Variants in DNTTIP1 observed in about 807,000 individuals in gnomAD.
DNTTIP1 encodes the protein deoxynucleotidyltransferase terminal-interacting protein 1.
DNTTIP1 carries 22 observed loss-of-function variants against 52.9 expected under a neutral mutation model. That is an observed-to-expected ratio of 0.42 (90% CI 0.30 to 0.59). The LOEUF (loss-of-function observed/expected upper bound fraction) is 0.59. DNTTIP1 is among the 20% of genes least tolerant of loss of function. DNTTIP1 has a pLI of 0.22. For synonymous variants in DNTTIP1, 136 were observed against 155.1 expected (o/e 0.88, Z 0.92); for missense variants, 286 against 435.5 (o/e 0.66, Z 3.06).
chr20:45,798,930 G>A (rs760349406), intron 4 of DNTTIP1, among the ~76,000 whole-genome samples: 3 of 152,138 alleles, frequency 2.0e-5, no homozygotes, highest in Non-Finnish European at 4.4e-5. Context: ...GAACTTAACA[G>A]CCTACTTAAG....
Position 45,805,345 on chromosome 20 carries a change from C to T in DNTTIP1, c.702C>T (p.Ile234=). The part of the protein sequence containing the change: ...GMGGTRGRIY[I]KHPHLFKYAA... ...GGGGCACCAGAGGAAGAATCTACAT[C>T]AAGCACCCACACCTCTTTAAGGTAG... The change falls in exon 10 of 13, where the codon ATC becomes ATT. Residue 234 remains isoleucine (I), a synonymous_variant. Transcript: ENST00000372622. 6.2e-7 allele frequency: 1 copy of T among 1,614,148 alleles called. No homozygotes were observed. Among genetic ancestry groups the T allele is most frequent in the Non-Finnish European group, 8.5e-7 (1 of 1,180,024 alleles).
intron 11 of DNTTIP1, among the ~76,000 whole-genome samples, chr20:45,810,662 C>G (rs889608883): frequency 6.7e-6 from 1 of 149,958 alleles, no homozygotes. Flanking sequence ...AAATAAGTCA[C>G]CAGTCCCTAC....
intron 2 of DNTTIP1, 132 bp downstream of exon 2, chr20:45,792,879 C>G: frequency 1.4e-6 from 1 of 703,046 alleles, no homozygotes; most frequent in Middle Eastern, 4.2e-4. Flanking sequence ...GAGGAGACTC[C>G]GATTCTGTAA....
At chr20:45,797,036 T>C (rs1568706355) in intron 4 of DNTTIP1, among the ~76,000 whole-genome samples, 1 of 152,220 alleles carries the variant, frequency 6.6e-6, no homozygotes, top group Non-Finnish European at 1.5e-5. Context: ...TTTCATCTAG[T>C]CCTGTGGCTT....
In DNTTIP1 at chr20:45,800,716, T is replaced by A. The variant is rs1442843858; in HGVS notation, c.373-358T>A. 2.8e-3 allele frequency among the ~76,000 whole-genome samples: 13 copies of A among 4,604 alleles called. 1 individual carries two copies. The highest frequency in any genetic ancestry group is 6.6e-3 in the African/African-American group (12 of 1,812). 3.0% of individuals were successfully genotyped at this position (4,604 alleles called of 152,430 possible). The stretch of plus-strand genomic sequence containing the variant: ...AAAAATATATATATATATATATATA[T>A]ATATATATATATATATATATATATA... On this transcript the variant is annotated intron_variant, in intron 4 of 12. Coordinates refer to ENST00000372622, the MANE Select transcript of DNTTIP1 (RefSeq NM_052951.3).
chr20:45,799,763 T>G (rs913891517), intron 4 of DNTTIP1, among the ~76,000 whole-genome samples: 1 of 149,636 alleles, frequency 6.7e-6, no homozygotes, highest in Non-Finnish European at 1.5e-5. Context: ...CTTGTCCTAG[T>G]TACTGCTGTG....
chr20:45,799,833 C>T (rs1429772745), intron 4 of DNTTIP1, among the ~76,000 whole-genome samples: 2 of 140,502 alleles, frequency 1.4e-5, no homozygotes, highest in East Asian at 1.9e-4. Flanking sequence ...GCAGGCCAGG[C>T]GCACTGGCTC....
chr20:45,792,156 C>CG (rs1172028649), intron 1 of DNTTIP1, 47 bp downstream of exon 1: 1 of 1,122,320 alleles, frequency 8.9e-7, no homozygotes, highest in African/African-American at 1.6e-5. Context: ...GGCACGGCCT[C>CG]GGGGCTCCTG....
At chr20:45,800,688 AAAAAAAATATATATATAT>A (rs1981404578) in intron 4 of DNTTIP1, among the ~76,000 whole-genome samples, 1 of 55,868 alleles carries the variant, frequency 1.8e-5, no homozygotes, top group African/African-American at 9.3e-5. Flanking sequence ...TTAAAAAAAA[AAAAAAAATATATATATAT>A]ATATATATAT....
At chr20:45,800,021 G>C (rs1981373539) in intron 4 of DNTTIP1, among the ~76,000 whole-genome samples, 2 of 151,108 alleles carry the variant, frequency 1.3e-5, no homozygotes, top group Non-Finnish European at 2.9e-5. Context: ...TCAGGAGGCA[G>C]AGGCAGGAGA....
chr20:45,801,548 G>GATTAC, intron 6 of DNTTIP1, 90 bp downstream of exon 6: 4 of 1,389,378 alleles, frequency 2.9e-6, no homozygotes, highest in Non-Finnish European at 4.1e-6. Flanking sequence ...AACACTTTGG[G>GATTAC]AGGCCAAGCG....
chr20:45,807,492 T>G (rs1981686503), intron 10 of DNTTIP1, among the ~76,000 whole-genome samples: 1 of 152,238 alleles, frequency 6.6e-6, no homozygotes, highest in South Asian at 2.1e-4. Context: ...GTATTTCTTC[T>G]GTAAGCTGCC....
At chr20:45,797,146 G>C (rs1017121791) in intron 4 of DNTTIP1, among the ~76,000 whole-genome samples, 1 of 152,126 alleles carries the variant, frequency 6.6e-6, no homozygotes, top group African/African-American at 2.4e-5. Context: ...ACAGCAGCCA[G>C]ACTGATCTCC....
intron 8 of DNTTIP1, among the ~76,000 whole-genome samples, chr20:45,804,375 AG>A (rs1601030433): frequency 6.6e-6 from 1 of 152,096 alleles, no homozygotes; most frequent in African/African-American, 2.4e-5. Flanking sequence ...GCCCTAGCTC[AG>A]GCCCTTAGCA....
chr20:45,807,644 G>A (rs561027507), intron 10 of DNTTIP1, among the ~76,000 whole-genome samples: 1 of 152,198 alleles, frequency 6.6e-6, no homozygotes, highest in African/African-American at 2.4e-5. Flanking sequence ...GGAGGTAGTA[G>A]AGAGCAAAAC....
intron 3 of DNTTIP1, 114 bp downstream of exon 3, chr20:45,794,131 TC>T (rs1340524436): frequency 1.7e-6 from 1 of 586,122 alleles, no homozygotes; most frequent in African/African-American, 1.9e-5. Flanking sequence ...AGTTTTCCTT[TC>T]TTGTTGTTTT....
At chr20:45,801,181 T>C in intron 5 of DNTTIP1, 39 bp downstream of exon 5, 2 of 1,596,842 alleles carry the variant, frequency 1.3e-6, no homozygotes, top group Non-Finnish European at 1.7e-6. Context: ...GAGCGGGAGG[T>C]CCTTCAGGCT....
chr20:45,796,683 G>A (rs1438661047), intron 4 of DNTTIP1: 4 of 395,726 alleles, frequency 1.0e-5, no homozygotes, highest in Non-Finnish European at 1.5e-5. Flanking sequence ...GCCAATAGTC[G>A]CTGGCTCACT....
intron 10 of DNTTIP1, among the ~76,000 whole-genome samples, chr20:45,806,355 C>CAAAAAAAAAA (rs3080098): frequency 7.6e-6 from 1 of 131,748 alleles, no homozygotes; most frequent in Admixed American, 7.9e-5. Context: ...AACTCCATCT[C>CAAAAAAAAAA]AAAAAAAAAA....
Sources: allele counts gnomAD v4.1 joint callset (sites outside exome capture counted in the v4.1 genomes callset), GRCh38; gene constraint gnomAD v4.1.1; transcripts MANE v1.5; gene names NCBI Gene and HGNC (gene_info 2026-07-23, HGNC 2026-07-21).